Variants in SV2C observed in about 807,000 individuals in gnomAD.
The protein encoded by SV2C is solute carrier family 22 member B3.
Under a neutral mutation model 79.7 loss-of-function variants are expected in SV2C, and 49 were observed. The observed-to-expected ratio is 0.61, with a 90% CI of 0.49 to 0.78. The LOEUF is 0.78. Ranked by LOEUF, SV2C falls within the 30% of genes least tolerant of loss-of-function variation. The pLI is 0.00. For missense variants in SV2C, 833 were observed against 912.9 expected (o/e 0.91, Z 1.13); for synonymous variants, 334 against 333.2 (o/e 1.00, Z -0.03).
chr5:76,102,346 A>G (rs569761568), intron 1 of SV2C, among the ~76,000 whole-genome samples: 4 of 152,092 alleles, frequency 2.6e-5, no homozygotes, highest in African/African-American at 9.6e-5. Flanking sequence ...ACTCTCACTC[A>G]TCCTTCAGGA....
At chr5:76,146,330 A>C (rs980825751) in intron 2 of SV2C, among the ~76,000 whole-genome samples, 1 of 152,222 alleles carries the variant, frequency 6.6e-6, no homozygotes, top group African/African-American at 2.4e-5. Context: ...TAGCTACTCC[A>C]TGGACCAGCC....
the SV2C span, among the ~76,000 whole-genome samples, chr5:75,923,934 T>TATAA: frequency 4.6e-5 from 7 of 152,138 alleles, no homozygotes; most frequent in Non-Finnish European, 8.8e-5. Context: ...AAAGAGTCAT[T>TATAA]ATAAGAAAAG....
the SV2C span, among the ~76,000 whole-genome samples, chr5:76,018,889 C>T: frequency 2.6e-5 from 4 of 152,144 alleles, no homozygotes; most frequent in African/African-American, 7.2e-5. Flanking sequence ...AGTAAAACTA[C>T]AGTTATTCTT....
intron 4 of SV2C, among the ~76,000 whole-genome samples, chr5:76,223,493 A>ATATATATG (rs1745146695): frequency 2.8e-5 from 1 of 35,174 alleles, no homozygotes; most frequent in Non-Finnish European, 4.8e-5. Flanking sequence ...ATATATATAT[A>ATATATATG]TATGTATATG....
chr5:76,134,705 G>A (rs1003331831), intron 2 of SV2C, among the ~76,000 whole-genome samples: 1 of 152,236 alleles, frequency 6.6e-6, no homozygotes, highest in Non-Finnish European at 1.5e-5. Context: ...CTGTATCTGT[G>A]TATATAGTCT....
intron 1 of SV2C, among the ~76,000 whole-genome samples, chr5:76,115,867 C>T (rs1307264928): frequency 6.6e-6 from 1 of 152,232 alleles, no homozygotes; most frequent in Non-Finnish European, 1.5e-5. Context: ...TTGACCCCCT[C>T]TCCCTGGCTC....
the SV2C span, among the ~76,000 whole-genome samples, chr5:75,975,750 T>C: frequency 6.6e-6 from 1 of 152,156 alleles, no homozygotes; most frequent in Non-Finnish European, 1.5e-5. Flanking sequence ...GAGATGGGAT[T>C]AGAGTGTTGA....
At chr5:75,892,603 G>C in the SV2C span, among the ~76,000 whole-genome samples, 1 of 151,890 alleles carries the variant, frequency 6.6e-6, no homozygotes, top group Non-Finnish European at 1.5e-5. Context: ...TCCCTCTGTA[G>C]TCCCCAGTGT....
intron 12 of SV2C, 47 bp downstream of exon 12, chr5:76,301,592 G>A (rs1748003544): frequency 6.4e-7 from 1 of 1,571,744 alleles, no homozygotes; most frequent in Non-Finnish European, 8.7e-7. Context: ...AGCCCTGTGA[G>A]ACCACTGAAA....
chr5:76,081,010 C>A (rs1746977819), upstream of SV2C, among the ~76,000 whole-genome samples: 1 of 152,142 alleles, frequency 6.6e-6, no homozygotes. Context: ...CCTCCAAAGA[C>A]ACAACGTTAA....
At chr5:76,211,463 CGT>C (rs10593541) in intron 4 of SV2C, among the ~76,000 whole-genome samples, 42,019 of 149,250 alleles carry the variant, frequency 0.28, 5,789 homozygotes, top group African/African-American at 0.32. Context: ...GTTCTGGTTG[CGT>C]GTGTGTGTGT....
chr5:75,959,207 G>A, the SV2C span, among the ~76,000 whole-genome samples: 6 of 152,078 alleles, frequency 3.9e-5, no homozygotes, highest in South Asian at 1.0e-3. Flanking sequence ...CTGAGAACAA[G>A]CATTTAAGGA....
chr5:76,004,245 TAAC>T, the SV2C span, among the ~76,000 whole-genome samples: 1 of 152,190 alleles, frequency 6.6e-6, no homozygotes, highest in Non-Finnish European at 1.5e-5. Context: ...ATCCGTTTCT[TAAC>T]AACATACACT....
the SV2C span, among the ~76,000 whole-genome samples, chr5:76,070,114 G>GC: frequency 6.6e-6 from 1 of 152,046 alleles, no homozygotes; most frequent in South Asian, 2.1e-4. Context: ...GGTCTCCAGG[G>GC]CCCCAGCCCA....
intron 2 of SV2C, among the ~76,000 whole-genome samples, chr5:76,148,994 T>C (rs895890683): frequency 1.3e-5 from 2 of 152,142 alleles, no homozygotes; most frequent in Admixed American, 6.5e-5. Flanking sequence ...TATTCCAAGG[T>C]CGGGGTAGTT....
the SV2C span, among the ~76,000 whole-genome samples, chr5:75,961,149 C>CA: frequency 6.6e-6 from 1 of 151,912 alleles, no homozygotes; most frequent in Non-Finnish European, 1.5e-5. Flanking sequence ...TTCATAAAAA[C>CA]AAAATGATAA....
intron 4 of SV2C, among the ~76,000 whole-genome samples, chr5:76,219,852 C>G (rs1745017139): frequency 6.6e-6 from 1 of 152,222 alleles, no homozygotes; most frequent in South Asian, 2.1e-4. Context: ...GAATTGAAGT[C>G]TGAACTCTTC....
intron 12 of SV2C, among the ~76,000 whole-genome samples, chr5:76,313,928 A>T (rs367837818): frequency 1.3e-5 from 2 of 152,198 alleles, no homozygotes; most frequent in South Asian, 4.1e-4. Context: ...CTAAGTAACC[A>T]TCTCTGGCCT....
At chr5:76,095,392 T>G (rs1377131394) in intron 1 of SV2C, among the ~76,000 whole-genome samples, 1 of 152,158 alleles carries the variant, frequency 6.6e-6, no homozygotes, top group Non-Finnish European at 1.5e-5. Context: ...TTTCAGTTTC[T>G]TCTTATGTCA....
Sources: gnomAD v4.1 joint callset for allele counts (sites outside exome capture counted in the v4.1 genomes callset) on GRCh38, gnomAD v4.1.1 for gene constraint, MANE v1.5 for transcripts, NCBI Gene and HGNC (gene_info 2026-07-23, HGNC 2026-07-21) for gene names.